Variants in TRPM6 observed in about 807,000 individuals in gnomAD.
TRPM6 encodes the protein transient receptor potential cation channel subfamily M member 6, also known as channel kinase 2.
In TRPM6, 111 loss-of-function variants were observed where a neutral mutation model predicts 247.6. The ratio of observed to expected loss-of-function variants is 0.45; its 90% CI spans 0.38 to 0.52. The LOEUF is 0.52. TRPM6 is among the 20% of genes least tolerant of loss of function. The pLI is 0.00. For synonymous variants in TRPM6, 892 were observed against 853.8 expected, an observed-to-expected ratio of 1.04 and a Z score of -0.78; for missense variants, 2,126 against 2,421.5, an observed-to-expected ratio of 0.88 and a Z score of 2.56.
In TRPM6 at chr9:74,723,343, T is replaced by TA. The variant is rs1402462585; in HGVS notation, c.*1269dup. ...GTATCTTTCTTCATAGGACCTGACATAAAGTAATTTAACCTGCAATATTAT... is the reference window on the plus strand; with the variant it reads ...GTATCTTTCTTCATAGGACCTGACATAAAAGTAATTTAACCTGCAATATTAT... On this transcript the variant is annotated 3_prime_UTR_variant, in exon 39 of 39. Coordinates refer to ENST00000360774, the MANE Select transcript of TRPM6 (RefSeq NM_017662.5). The TA allele has an allele frequency of 1.3e-5, 2 of 152,020 alleles. No individual in the cohort carries two copies. The highest frequency in any genetic ancestry group is 4.8e-5 in the African/African-American group (2 of 41,388). 9.4% of individuals were successfully genotyped at this position (152,020 alleles called of 1,614,324 possible).
chr9:74,864,933 C>T (rs993052921), intron 1 of TRPM6, among the ~76,000 whole-genome samples: 17 of 151,854 alleles, frequency 1.1e-4, no homozygotes, highest in African/African-American at 4.1e-4. Flanking sequence ...ATTAGCCACG[C>T]GCAGTCGTGG....
chr9:74,740,084 A>G (rs1004988801), intron 33 of TRPM6, 75 bp from the exon 34 acceptor site: 7 of 1,518,714 alleles, frequency 4.6e-6, no homozygotes, highest in East Asian at 2.4e-5. Flanking sequence ...CTAAATATCA[A>G]TGCAGAATCA....
At position 74,786,233 on chromosome 9, in the gene TRPM6, C is replaced by A; in HGVS notation, c.2668-108G>T. 30 of 1,241,592 alleles carry A rather than the reference C, an allele frequency of 2.4e-5. No homozygotes were observed. The South Asian group carries it at 3.4e-4, about 14-fold the overall frequency. 76.9% of individuals were successfully genotyped at this position (1,241,592 alleles called of 1,614,324 possible). A position where few individuals can be genotyped will look rare whatever the true frequency, so the allele number is the denominator to read the frequency against. ...ATTCACTGAAAGAGTAATCTAAAAC[C>A]TGCCAAACCTTAAATCACTTGCGGA... is the stretch of plus-strand genomic sequence containing the variant. On this transcript the variant is annotated intron_variant, in intron 20 of 38. Coordinates refer to ENST00000360774, the MANE Select transcript of TRPM6 (RefSeq NM_017662.5).
chr9:74,731,156 A>G (rs182026631), intron 37 of TRPM6, among the ~76,000 whole-genome samples: 132 of 152,328 alleles, frequency 8.7e-4, no homozygotes, highest in African/African-American at 3.0e-3. Flanking sequence ...GTGGGATAAT[A>G]TAATCTTAGA....
intron 19 of TRPM6, among the ~76,000 whole-genome samples, chr9:74,790,157 CT>C (rs1376512209): frequency 1.3e-5 from 2 of 151,984 alleles, no homozygotes; most frequent in Non-Finnish European, 2.9e-5. Flanking sequence ...TAGAGAATAG[CT>C]TAAACCATTT....
rs1419685764 is a variant in TRPM6 at position 74,812,311 on chromosome 9, C to T, written c.1431G>A (p.Glu477=). The T allele has an allele frequency of 2.4e-5, 39 of 1,613,646 alleles. No homozygotes were observed. The highest frequency in any genetic ancestry group is 3.2e-5 in the Non-Finnish European group (38 of 1,179,888). The change falls in exon 12 of 39, where the codon GAG becomes GAA. Residue 477 remains glutamate (E), a synonymous_variant. Transcript: ENST00000360774. Reference sequence around the variant, plus strand: ...GTTCCATACTCACTGTATTGTAGAGCTCTTCCAGTCGAGGGATGGTAAGAA... The same window carrying T: ...GTTCCATACTCACTGTATTGTAGAGTTCTTCCAGTCGAGGGATGGTAAGAA... ...HRFLTIPRLE[E]LYNTKQGPTN...
chr9:74,762,558 A>T lies in TRPM6; in HGVS notation c.4113T>A (p.Asp1371Glu), dbSNP rs765152216. 6.2e-7 allele frequency: 1 copy of T among 1,614,214 alleles called. No homozygotes were observed. Among genetic ancestry groups the T allele is most frequent in the African/African-American group, 1.3e-5 (1 of 75,072 alleles). Reference sequence around the variant, plus strand: ...GGATGTCCTGTTCAGTTGCCAGCACATCTGGCACAGAGGGTCTGGACAGAG... The same window carrying T: ...GGATGTCCTGTTCAGTTGCCAGCACTTCTGGCACAGAGGGTCTGGACAGAG... ...VLPLSRPSVP[D>E]VLATEQDIQT... Residue 1371 changes from aspartate to glutamate, a missense_variant, in exon 26 of 39, where the codon GAT becomes GAA. Transcript: ENST00000360774.
intron 25 of TRPM6, among the ~76,000 whole-genome samples, chr9:74,767,976 A>T (rs1826884758): frequency 6.6e-6 from 1 of 152,180 alleles, no homozygotes; most frequent in South Asian, 2.1e-4. Flanking sequence ...TCATAACCAA[A>T]TTCTAAATCT....
At chr9:74,810,537 A>C (rs1028610463) in intron 13 of TRPM6, among the ~76,000 whole-genome samples, 4 of 152,236 alleles carry the variant, frequency 2.6e-5, no homozygotes, top group Non-Finnish European at 5.9e-5. Flanking sequence ...GGGTAAGCTG[A>C]AGTTCTGATT....
At chr9:74,791,693 C>G (rs1427385222) in intron 19 of TRPM6, among the ~76,000 whole-genome samples, 1 of 152,128 alleles carries the variant, frequency 6.6e-6, no homozygotes, top group African/African-American at 2.4e-5. Flanking sequence ...GCAAAAAAAC[C>G]AAACACTTGC....
At chr9:74,856,403 G>A (rs1227705590) in intron 2 of TRPM6, among the ~76,000 whole-genome samples, 1 of 151,954 alleles carries the variant, frequency 6.6e-6, no homozygotes, top group Non-Finnish European at 1.5e-5. Context: ...TCATGCCACT[G>A]TACTGCAACG....
Position 74,812,344 on chromosome 9 carries a change from G to A in TRPM6, c.1398C>T (p.Leu466=). The change falls in exon 12 of 39, where the codon CTC becomes CTT. Residue 466 remains leucine, a synonymous_variant. Coordinates refer to ENST00000360774, the MANE Select transcript of TRPM6 (RefSeq NM_017662.5). ...VKLLIEYGVN[L]HRFLTIPRLE... ...GTCGAGGGATGGTAAGAAAGCGATG[G>A]AGGTTCACTCCATATTCTATTAAGA... is the stretch of plus-strand genomic sequence containing the variant. The A allele has an allele frequency of 6.2e-7, 1 of 1,613,902 alleles. No individual in the cohort carries two copies. The highest frequency in any genetic ancestry group is 8.5e-7 in the Non-Finnish European group (1 of 1,179,900).
intron 28 of TRPM6, among the ~76,000 whole-genome samples, chr9:74,752,665 C>G (rs1826291167): frequency 6.6e-6 from 1 of 152,160 alleles, no homozygotes; most frequent in African/African-American, 2.4e-5. Context: ...TAGGACAACA[C>G]CTTTAGCAAT....
intron 4 of TRPM6, 33 bp from the exon 5 acceptor site, chr9:74,840,270 A>G: frequency 1.3e-6 from 2 of 1,519,672 alleles, no homozygotes; most frequent in Non-Finnish European, 9.1e-7. Context: ...TGAACAGAAC[A>G]TTGTAAAAAA....
At chr9:74,856,445 A>ATG (rs748325225) in intron 2 of TRPM6, among the ~76,000 whole-genome samples, 2,628 of 125,262 alleles carry the variant, frequency 0.021, 44 homozygotes, top group African/African-American at 0.044. Context: ...GTCTCAAAAT[A>ATG]TGTGTGTGTG....
intron 19 of TRPM6, among the ~76,000 whole-genome samples, chr9:74,791,135 T>C (rs1226825306): frequency 1.3e-5 from 2 of 152,218 alleles, no homozygotes; most frequent in Non-Finnish European, 2.9e-5. Flanking sequence ...CTTTTCCCAA[T>C]GGTATGACTA....
chr9:74,764,626 G>A (rs1435312081), intron 25 of TRPM6, among the ~76,000 whole-genome samples: 1 of 152,172 alleles, frequency 6.6e-6, no homozygotes, highest in African/African-American at 2.4e-5. Flanking sequence ...ATAGTTTTTG[G>A]TATTTTGCTG....
intron 5 of TRPM6, among the ~76,000 whole-genome samples, chr9:74,834,689 ATGAG>A (rs1323052241): frequency 7.1e-6 from 1 of 141,216 alleles, no homozygotes; most frequent in African/African-American, 2.7e-5. Context: ...ATTCCCACCT[ATGAG>A]TGAGAACATG....
intron 25 of TRPM6, 98 bp from the exon 26 acceptor site, chr9:74,763,232 C>CAT: frequency 1.7e-6 from 2 of 1,167,948 alleles, no homozygotes; most frequent in Non-Finnish European, 2.5e-6. Context: ...GCTCCTGAGC[C>CAT]TCAGCTGCTT....
Sources: allele counts gnomAD v4.1 joint callset (sites outside exome capture counted in the v4.1 genomes callset), GRCh38; gene constraint gnomAD v4.1.1; transcripts MANE v1.5; gene names NCBI Gene and HGNC (gene_info 2026-07-23, HGNC 2026-07-21).